FMNL1: variants seen among roughly 807,000 people sequenced by gnomAD.
FMNL1 encodes formin-like protein 1.
In FMNL1, 43 loss-of-function variants were observed where a neutral mutation model predicts 121.3. The ratio of observed to expected loss-of-function variants is 0.35; its 90% CI spans 0.28 to 0.46. The LOEUF (loss-of-function observed/expected upper bound fraction) is 0.46, where lower values mean the gene tolerates loss of function less well. Ranked by LOEUF, FMNL1 falls within the 20% of genes least tolerant of loss-of-function variation. The pLI is 1.00. For missense variants in FMNL1, 1,191 were observed against 1,482.4 expected (o/e 0.80, Z 3.23); for synonymous variants, 613 against 613.5 (o/e 1.00, Z 0.01).
In FMNL1 at chr17:45,247,192, C is replaced by T. The variant is rs145251280; in HGVS notation, c.*334C>T. On this transcript the variant is annotated 3_prime_UTR_variant, in exon 27 of 27. Coordinates refer to ENST00000331495, the MANE Select transcript of FMNL1 (RefSeq NM_005892.4). ...CCACCCTAAAGCCCCCTCCAAATAG[C>T]CATACTTAGCCTCAGCAGGAGCCTG... 1.7e-3 allele frequency: 911 copies of T among 549,412 alleles called. 14 individuals carry two copies. The East Asian group carries it at 0.026, about 16-fold the overall frequency. The allele number at this position is 549,412 out of a possible 1,614,324, so 34.0% of individuals were successfully genotyped here.
chr17:45,245,051 T>G lies in FMNL1; in HGVS notation c.2671T>G (p.Tyr891Asp), dbSNP rs756724766. 6.2e-7 allele frequency: 1 copy of G among 1,614,146 alleles called. No homozygotes were observed. The highest frequency in any genetic ancestry group is 8.5e-7 in the Non-Finnish European group (1 of 1,180,018). ...HYLVKVIAEK[Y>D]PQLTGFHSDL... is the part of the protein sequence containing the mutation. ...CCTGGTGAAGGTCATTGCTGAGAAG[T>G]ACCCGCAACTCACAGGCTTCCACAG... Residue 891 changes from tyrosine to aspartate, a missense_variant, in exon 21 of 27, where the codon TAC (tyrosine) becomes GAC (aspartate). Around this residue, in one of 4 missense-constraint regions of FMNL1, gnomAD observed 367 missense variants for 528.6 expected, o/e 0.69. Coordinates refer to ENST00000331495, the MANE Select transcript of FMNL1 (RefSeq NM_005892.4).
chr17:45,224,491 C>A (rs75468347), intron 1 of FMNL1, among the ~76,000 whole-genome samples: 6,714 of 152,284 alleles, frequency 0.044, 351 homozygotes, highest in East Asian at 0.23. Context: ...GGTCCCCAGT[C>A]TCAATGGGAG....
chr17:45,232,496 C>T lies in FMNL1; in HGVS notation c.327+16C>T. The T allele has an allele frequency of 6.2e-7, 1 of 1,609,100 alleles. No individual in the cohort carries two copies. Among genetic ancestry groups the T allele is most frequent in the Non-Finnish European group, 8.5e-7 (1 of 1,175,528 alleles). ...CAACCTGGGGGTACATGTCTCCCCT[C>T]TTTACTCTGTCCCTTTCCCCCACAT... is the stretch of plus-strand genomic sequence containing the variant. On this transcript the variant is annotated intron_variant, in intron 3 of 26. Coordinates refer to ENST00000331495, the MANE Select transcript of FMNL1 (RefSeq NM_005892.4).
intron 12 of FMNL1, chr17:45,240,909 TCTC>T (rs1567967728): frequency 4.3e-6 from 3 of 695,110 alleles, no homozygotes; most frequent in East Asian, 2.7e-5. Context: ...CCCAGCTCAG[TCTC>T]CTCCTCTCCC....
In FMNL1 at chr17:45,241,575, C is replaced by A; in HGVS notation, c.1526C>A (p.Ala509Glu). 1 of 1,564,116 alleles carries A rather than the reference C, an allele frequency of 6.4e-7. No homozygotes were observed. ...ATCGAGATCCTCCCCGTCGCTGTGG[C>A]AACTCCGAGCGGCGGTGATGCTCCG... ...VSIEILPVAVATPSGGDAPTP... is the reference protein window; with the variant it reads ...VSIEILPVAVETPSGGDAPTP... Residue 509 changes from alanine to glutamate, a missense_variant, in exon 14 of 27, where the codon GCA becomes GAA. Physicochemically the swap from Ala to Glu is moderately radical, Grantham distance 107 (BLOSUM62 -1). Coordinates refer to ENST00000331495, the MANE Select transcript of FMNL1 (RefSeq NM_005892.4). This position sits in a 1 kb window ranked among gnomAD's most constrained non-coding sequence, Gnocchi z 7.0.
At chr17:45,240,831 C>T in intron 12 of FMNL1, 1 of 790,664 alleles carries the variant, frequency 1.3e-6, no homozygotes, top group Non-Finnish European at 2.0e-6. Flanking sequence ...TGAGCACCCT[C>T]ACTGACAGGC....
Position 45,246,431 on chromosome 17 carries a change from T to A in FMNL1, c.3212-74T>A, listed in dbSNP as rs755283398. The A allele has an allele frequency of 1.9e-6, 3 of 1,613,162 alleles. No individual in the cohort carries two copies. The South Asian group carries it at 3.3e-5, about 18-fold the overall frequency. On this transcript the variant is annotated intron_variant, in intron 25 of 26. Transcript: ENST00000331495. ...TCTGGGGGACTGGCTGCCACACTGC[T>A]TCTTGCTACCTTTTCTGTTTTTCTT...
intron 11 of FMNL1, 22 bp from the exon 12 acceptor site, chr17:45,240,454 A>G (rs1383205600): frequency 6.3e-7 from 1 of 1,598,450 alleles, no homozygotes; most frequent in Admixed American, 1.7e-5. Flanking sequence ...GCCTCACCCC[A>G]CTCCTTCCAT....
At chr17:45,229,879 C>T (rs1311602399) in intron 1 of FMNL1, among the ~76,000 whole-genome samples, 1 of 152,144 alleles carries the variant, frequency 6.6e-6, no homozygotes, top group Non-Finnish European at 1.5e-5. Flanking sequence ...ACTGGCTCTT[C>T]TCCCCAGTGC....
At chr17:45,240,973 G>T in intron 12 of FMNL1, 156 bp from the exon 13 acceptor site, 1 of 887,734 alleles carries the variant, frequency 1.1e-6, no homozygotes, top group South Asian at 1.6e-5. Context: ...ATTTGCTTGG[G>T]TTCGAGTGCC....
intron 19 of FMNL1, 150 bp from the exon 20 acceptor site, chr17:45,244,669 G>A (rs1037222792): frequency 1.3e-6 from 1 of 780,484 alleles, no homozygotes; most frequent in Non-Finnish European, 2.1e-6. Context: ...ATGTACATGT[G>A]CTGTGGATCT....
Position 45,222,152 on chromosome 17 carries a change from C to T in FMNL1, c.28C>T (p.Gln10Ter). 1 of 1,196,318 alleles carries T rather than the reference C, an allele frequency of 8.4e-7. No homozygotes were observed. The allele number at this position is 1,196,318 out of a possible 1,614,324, so 74.1% of individuals were successfully genotyped here. A position where few individuals can be genotyped will look rare whatever the true frequency, so the allele number is the denominator to read the frequency against. Residue 10 changes from glutamine (Q) to a stop codon, truncating the protein, a stop_gained, in exon 1 of 27, where the codon CAG becomes TAG. Transcript: ENST00000331495. LOFTEE classifies it high-confidence loss of function. ...GGGCAACGCGGCCGGCAGCGCCGAG[C>T]AGCCCGCGGGCCCCGCCGCGCCGCC... MGNAAGSAE[Q>*]PAGPAAPPPK...
At chr17:45,243,368 G>C in intron 17 of FMNL1, 48 bp downstream of exon 17, 1 of 1,597,102 alleles carries the variant, frequency 6.3e-7, no homozygotes, top group South Asian at 1.1e-5. Context: ...CCCTTTGCTA[G>C]GCTGGGGTTG....
Position 45,233,647 on chromosome 17 carries a change from G to A in FMNL1, c.402-1G>A. On this transcript the variant is annotated splice_acceptor_variant, in intron 4 of 26. Transcript: ENST00000331495. LOFTEE classifies it high-confidence loss of function. The surrounding 1 kb of genome is among the most constrained non-coding windows in gnomAD (Gnocchi z 4.1). ...GAGCTCAGGGAGCCCTGTGCCCACA[G>A]GTGGGTGCAGGAGTTCCTCAATGAA... 1 of 1,614,026 alleles carries A rather than the reference G, an allele frequency of 6.2e-7. No homozygotes were observed. The highest frequency in any genetic ancestry group is 8.5e-7 in the Non-Finnish European group (1 of 1,179,972).
chr17:45,231,632 G>T lies in FMNL1; in HGVS notation c.214-735G>T, dbSNP rs1040848068. Among the ~76,000 whole-genome samples, 9 of 152,114 alleles carry T rather than the reference G, an allele frequency of 5.9e-5. No individual in the cohort carries two copies. The highest frequency in any genetic ancestry group is 4.6e-4 in the Admixed American group (7 of 15,286). The stretch of plus-strand genomic sequence containing the variant: ...AGGGTGGGGGCCCCTCTGGGGAGGG[G>T]TCTTTGCCGTGGTCCCTGCCTCTTT... On this transcript the variant is annotated intron_variant, in intron 2 of 26. Coordinates refer to ENST00000331495, the MANE Select transcript of FMNL1 (RefSeq NM_005892.4). This position sits in a 1 kb window ranked among gnomAD's most constrained non-coding sequence, Gnocchi z 4.7.
chr17:45,226,200 G>A (rs1269547724), intron 1 of FMNL1, among the ~76,000 whole-genome samples: 1 of 152,226 alleles, frequency 6.6e-6, no homozygotes, highest in Non-Finnish European at 1.5e-5. Flanking sequence ...GCCGGAAACC[G>A]CTGGAGGGAG....
Position 45,241,616 on chromosome 17 carries a change from A to G in FMNL1, c.1567A>G (p.Thr523Ala). ...GGDAPTPGVP[T>A]GSPSPDLAPA... ...TGATGCTCCGACTCCGGGGGTGCCGACCGGCTCCCCCAGCCCAGGTGCGCA... is the reference window on the plus strand; with the variant it reads ...TGATGCTCCGACTCCGGGGGTGCCGGCCGGCTCCCCCAGCCCAGGTGCGCA... Residue 523 changes from threonine (T) to alanine (A), a missense_variant, in exon 14 of 27, where the codon ACC becomes GCC. By Grantham distance (58) the Thr-to-Ala change is moderately conservative. Coordinates refer to ENST00000331495, the MANE Select transcript of FMNL1 (RefSeq NM_005892.4). The surrounding 1 kb of genome is among the most constrained non-coding windows in gnomAD (Gnocchi z 7.0). 2.6e-6 allele frequency: 4 copies of G among 1,521,844 alleles called. No individual in the cohort carries two copies. The highest frequency in any genetic ancestry group is 3.5e-6 in the Non-Finnish European group (4 of 1,131,758). The allele number at this position is 1,521,844 out of a possible 1,614,324, so 94.3% of individuals were successfully genotyped here.
In FMNL1 at chr17:45,230,592, C is replaced by T. The variant is rs1049513160; in HGVS notation, c.130-12C>T. On this transcript the variant is annotated splice_polypyrimidine_tract_variant and intron_variant, in intron 1 of 26. Transcript: ENST00000331495. The stretch of plus-strand genomic sequence containing the variant: ...CCCCAGGCTCAGGGGTCTTTGTCCT[C>T]CCTGTCCCCAGAACTGCATGAACTT... 2 of 1,613,490 alleles carry T rather than the reference C, an allele frequency of 1.2e-6. No homozygotes were observed. The highest frequency in any genetic ancestry group is 1.3e-5 in the African/African-American group (1 of 74,896).
At chr17:45,230,055 T>C (rs1682627305) in intron 1 of FMNL1, among the ~76,000 whole-genome samples, 3 of 152,214 alleles carry the variant, frequency 2.0e-5, no homozygotes, top group Admixed American at 2.0e-4. Flanking sequence ...AGAAGGCTGC[T>C]GTCCACTCTC....
Sources: gnomAD v4.1 joint callset for allele counts (sites outside exome capture counted in the v4.1 genomes callset) on GRCh38, gnomAD v4.1.1 for gene constraint, gnomAD v4.1.1 regional missense constraint, Gnocchi (gnomAD v3.1) non-coding constraint, MANE v1.5 for transcripts, NCBI Gene and HGNC (gene_info 2026-07-23, HGNC 2026-07-21) for gene names.